Variants in FAAH2 observed in about 807,000 individuals in gnomAD.
The protein encoded by FAAH2 is fatty-acid amide hydrolase 2.
In FAAH2, 60 loss-of-function variants were observed where a neutral mutation model predicts 36.9. That is an observed-to-expected ratio of 1.63 (90% CI 1.32 to 2.02). The LOEUF is 2.02. Ranked by LOEUF, FAAH2 falls within the 30% of genes most tolerant of loss-of-function variation. The pLI is 0.00. For missense variants in FAAH2, 689 were observed against 397.5 expected (o/e 1.73, Z -6.23); for synonymous variants, 214 against 143.8 (o/e 1.49, Z -3.49).
At chrX:57,362,866 G>C (rs2054320003) in intron 5 of FAAH2, among the ~76,000 whole-genome samples, 1 of 111,720 alleles carries the variant, frequency 9.0e-6, no homozygotes, top group Admixed American at 9.5e-5. Flanking sequence ...TGTCAACTTT[G>C]TGGAAGACCA....
At chrX:57,293,900 A>T in intron 2 of FAAH2, among the ~76,000 whole-genome samples, 1 of 110,638 alleles carries the variant, frequency 9.0e-6, no homozygotes, top group Non-Finnish European at 1.9e-5. Flanking sequence ...ATTTGAAGAG[A>T]GAGAAAACAG....
Position 57,489,008 on chromosome X carries a change from A to C in FAAH2, c.*76A>C. On this transcript the variant is annotated 3_prime_UTR_variant, in exon 11 of 11. Coordinates refer to ENST00000374900, the MANE Select transcript of FAAH2 (RefSeq NM_174912.4). ...GTGTTTCTATTAATTGGGTGAAATC[A>C]AGCACCAGCAGACAAGCAGAGAAAC... 2.0e-6 allele frequency: 2 copies of C among 981,834 alleles called. No homozygotes were observed. Among genetic ancestry groups the C allele is most frequent in the Admixed American group, 6.9e-5 (2 of 29,163 alleles). The allele number at this position is 981,834 out of a possible 1,213,427, so 80.9% of individuals were successfully genotyped here. A position where few individuals can be genotyped will look rare whatever the true frequency, so the allele number is the denominator to read the frequency against.
chrX:57,318,874 A>G (rs2052927004), intron 3 of FAAH2, among the ~76,000 whole-genome samples: 1 of 112,050 alleles, frequency 8.9e-6, no homozygotes. Context: ...TCATATGCAA[A>G]TCAATAAACA....
intron 3 of FAAH2, among the ~76,000 whole-genome samples, chrX:57,324,931 A>G (rs377658381): frequency 2.7e-5 from 3 of 112,177 alleles, no homozygotes; most frequent in East Asian, 5.6e-4. Context: ...TTCCAAAGGG[A>G]ATACTTCCAG....
rs570046753 is a variant in FAAH2 at position 57,453,480 on chromosome X, A to G, written c.1423+4762A>G. Reference sequence around the variant, plus strand: ...TCCTGTTATCCAGGGAAACAGAAAAACTGCAGGATAGGTGATTCCACAACC... The same window carrying G: ...TCCTGTTATCCAGGGAAACAGAAAAGCTGCAGGATAGGTGATTCCACAACC... On this transcript the variant is annotated intron_variant, in intron 10 of 10. Coordinates refer to ENST00000374900, the MANE Select transcript of FAAH2 (RefSeq NM_174912.4). Among the ~76,000 whole-genome samples the G allele has an allele frequency of 2.7e-5, 3 of 110,662 alleles. No homozygotes were observed. In the South Asian group the frequency reaches 1.2e-3, roughly 43 times the overall value.
At chrX:57,282,329 A>T (rs1194443629), upstream of FAAH2, among the ~76,000 whole-genome samples, 1 of 111,859 alleles carries the variant, frequency 8.9e-6, no homozygotes, top group African/African-American at 3.3e-5. Context: ...AGTGATGATG[A>T]GCATTTTTTT....
chrX:57,300,280 CAG>C (rs1319124568), intron 2 of FAAH2, among the ~76,000 whole-genome samples: 1 of 111,054 alleles, frequency 9.0e-6, no homozygotes, highest in Non-Finnish European at 1.9e-5. Flanking sequence ...TGGAACAAAA[CAG>C]AGCCCTCAGA....
intron 4 of FAAH2, among the ~76,000 whole-genome samples, chrX:57,333,903 G>A (rs187881301): frequency 9.0e-6 from 1 of 111,567 alleles, no homozygotes; most frequent in African/African-American, 3.2e-5. Context: ...AGAAGGTTAA[G>A]GAGAAAGAAG....
chrX:57,209,351 T>C, the FAAH2 span, among the ~76,000 whole-genome samples: 1 of 112,133 alleles, frequency 8.9e-6, no homozygotes, highest in Non-Finnish European at 1.9e-5. Flanking sequence ...ACCTGGATAT[T>C]GCTATTTCTT....
the FAAH2 span, among the ~76,000 whole-genome samples, chrX:57,180,851 G>A: frequency 1.8e-5 from 2 of 111,120 alleles, no homozygotes; most frequent in Non-Finnish European, 3.8e-5. Flanking sequence ...ACAACTTCAG[G>A]CCAATATCCT....
chrX:57,268,247 T>A, the FAAH2 span, among the ~76,000 whole-genome samples: 2 of 110,621 alleles, frequency 1.8e-5, no homozygotes, highest in African/African-American at 6.6e-5. Flanking sequence ...GAGAAAAAAA[T>A]CTTAGAGCAT....
At chrX:57,441,916 G>T (rs2056567362) in intron 8 of FAAH2, among the ~76,000 whole-genome samples, 1 of 111,695 alleles carries the variant, frequency 9.0e-6, no homozygotes, top group Non-Finnish European at 1.9e-5. Context: ...TGGTAGAGCT[G>T]TTTTGAGTGA....
rs181763743 is a variant in FAAH2, at chrX:57,478,552, T to A, written c.1424-10205T>A. On this transcript the variant is annotated intron_variant, in intron 10 of 10. Transcript: ENST00000374900. ...ATTGCTTTTGGTGTTTTAGACATGA[T>A]GTCCTTGCACATGCCTATGTCCTGA... Among the ~76,000 whole-genome samples, 1,107 of 111,767 alleles carry A rather than the reference T, an allele frequency of 9.9e-3. 13 individuals are homozygous for A. The highest frequency in any genetic ancestry group is 0.034 in the African/African-American group (1,052 of 30,794).
chrX:57,421,020 G>A (rs1340016626), intron 7 of FAAH2, among the ~76,000 whole-genome samples: 4 of 112,376 alleles, frequency 3.6e-5, no homozygotes, highest in African/African-American at 1.3e-4. Flanking sequence ...TTTGTTCACA[G>A]TAATCAACCT....
chrX:57,365,254 C>T lies in FAAH2; in HGVS notation c.743-13397C>T, dbSNP rs774152744. Among the ~76,000 whole-genome samples, 40 of 111,889 alleles carry T rather than the reference C, an allele frequency of 3.6e-4. 1 individual carries two copies. Among genetic ancestry groups the T allele is most frequent in the Non-Finnish European group, 6.6e-4 (35 of 53,108 alleles). On this transcript the variant is annotated intron_variant, in intron 5 of 10. Transcript: ENST00000374900. ...AGGACCCCTTGAAAGGCTGGTCTGA[C>T]GTTAACAAATTTTGTAGCATTTGCT... is the stretch of plus-strand genomic sequence containing the variant.
intron 4 of FAAH2, among the ~76,000 whole-genome samples, chrX:57,335,686 C>T (rs1177222040): frequency 9.0e-6 from 1 of 111,627 alleles, no homozygotes; most frequent in Non-Finnish European, 1.9e-5. Context: ...TACTAGTCCT[C>T]CTCAGCACAG....
In FAAH2 at chrX:57,413,345, T is replaced by A. The variant is rs1319471367; in HGVS notation, c.997-18573T>A. ...TGCCTAGGTTTTCTTCTAAGGTTTT[T>A]ATGGTTTTAGGTCTTACATTTAAGT... On this transcript the variant is annotated intron_variant, in intron 7 of 10. Coordinates refer to ENST00000374900, the MANE Select transcript of FAAH2 (RefSeq NM_174912.4). 2.7e-5 allele frequency among the ~76,000 whole-genome samples: 3 copies of A among 112,547 alleles called. No individual in the cohort carries two copies. In the East Asian group the frequency reaches 8.3e-4, roughly 31 times the overall value.
chrX:57,281,832 T>C, upstream of FAAH2, among the ~76,000 whole-genome samples: 1 of 111,708 alleles, frequency 9.0e-6, no homozygotes. Context: ...TGGTTTTCTG[T>C]TCCTGTGATA....
intron 10 of FAAH2, among the ~76,000 whole-genome samples, chrX:57,472,234 T>C (rs954408811): frequency 2.7e-5 from 3 of 111,891 alleles, no homozygotes; most frequent in Non-Finnish European, 5.6e-5. Flanking sequence ...AAAGCCACAA[T>C]TGACAAATGG....
Sources: allele counts gnomAD v4.1 joint callset (sites outside exome capture counted in the v4.1 genomes callset), GRCh38; gene constraint gnomAD v4.1.1; transcripts MANE v1.5; gene names NCBI Gene and HGNC (gene_info 2026-07-23, HGNC 2026-07-21).